Variants in WWOX observed in about 807,000 individuals in gnomAD.
WWOX encodes WW domain containing oxidoreductase, also known as WW domain-containing oxidoreductase.
In WWOX, 69 loss-of-function variants were observed where a neutral mutation model predicts 46.2. The ratio of observed to expected loss-of-function variants is 1.49; its 90% confidence interval spans 1.23 to 1.82. The LOEUF (loss-of-function observed/expected upper bound fraction) is 1.82. WWOX is among the 40% of genes most tolerant of loss of function. WWOX has a pLI of 0.00. For synonymous variants in WWOX, 359 were observed against 202.6 expected (o/e 1.77, Z -6.56); for missense variants, 919 against 542.6 (o/e 1.69, Z -6.89).
At chr16:78,955,273 C>T (rs1300176171) in intron 8 of WWOX, among the ~76,000 whole-genome samples, 2 of 152,096 alleles carry the variant, frequency 1.3e-5, no homozygotes, top group East Asian at 1.9e-4. Flanking sequence ...CTCCACATGT[C>T]CCTCATGCCC....
chr16:78,641,664 C>T (rs989236882), intron 8 of WWOX, among the ~76,000 whole-genome samples: 8 of 152,172 alleles, frequency 5.3e-5, no homozygotes, highest in South Asian at 2.1e-4. Context: ...GGTAGTTAAA[C>T]GGCCCCGCAG....
At chr16:78,254,604 C>T (rs1028717248) in intron 5 of WWOX, among the ~76,000 whole-genome samples, 1 of 150,284 alleles carries the variant, frequency 6.7e-6, no homozygotes, top group African/African-American at 2.5e-5. Context: ...CTCCCAGGCT[C>T]AAGTGATCCT....
chr16:78,922,020 G>C (rs1295456314), intron 8 of WWOX, among the ~76,000 whole-genome samples: 2 of 152,200 alleles, frequency 1.3e-5, no homozygotes, highest in African/African-American at 4.8e-5. Context: ...CATGACATCA[G>C]GACAGAATAC....
intron 8 of WWOX, among the ~76,000 whole-genome samples, chr16:78,619,823 C>G (rs771316966): frequency 1.3e-5 from 2 of 152,046 alleles, no homozygotes; most frequent in Non-Finnish European, 2.9e-5. Context: ...GCAGGAGAAT[C>G]ACTTGAGCAA....
At position 78,996,383 on chromosome 16, in the gene WWOX, C is replaced by CCCA. The variant is rs1555508907; in HGVS notation, c.1057-215223_1057-215222insACC. 4.6e-5 allele frequency: 34 copies of CCCA among 735,774 alleles called. 3 individuals are homozygous for CCCA. The African/African-American group carries it at 8.3e-4, about 18-fold the overall frequency. 45.6% of individuals were successfully genotyped at this position (735,774 alleles called of 1,614,324 possible). A position where few individuals can be genotyped will look rare whatever the true frequency, so the allele number is the denominator to read the frequency against. On this transcript the variant is annotated intron_variant, in intron 8 of 8. Coordinates refer to ENST00000566780, the MANE Select transcript of WWOX (RefSeq NM_016373.4). ...TGAGTGAATTCTGCACCCACCCCCG[C>CCCA]CCCCCAGCTTCCCCACCTGTAAAAT...
chr16:78,808,120 C>T (rs2051091113), intron 8 of WWOX, among the ~76,000 whole-genome samples: 1 of 152,206 alleles, frequency 6.6e-6, no homozygotes, highest in South Asian at 2.1e-4. Flanking sequence ...GCAACCAGGA[C>T]TCCCTGTAGT....
rs1232507130 is a variant in WWOX at position 78,425,029 on chromosome 16, C to G, written c.765C>G (p.Val255=). The G allele has an allele frequency of 6.2e-7, 1 of 1,613,830 alleles. No individual in the cohort carries two copies. The highest frequency in any genetic ancestry group is 1.3e-5 in the African/African-American group (1 of 74,924). The change falls in exon 7 of 9, where the codon GTC becomes GTG. Residue 255 remains valine, a synonymous_variant. Coordinates refer to ENST00000566780, the MANE Select transcript of WWOX (RefSeq NM_016373.4). ...TGTGCCGCTCAGCTCCTGCCCGTGTCATTGTGGTCTCCTCAGAGTCCCATC... is the reference window on the plus strand; with the variant it reads ...TGTGCCGCTCAGCTCCTGCCCGTGTGATTGTGGTCTCCTCAGAGTCCCATC... The part of the protein sequence containing the change: ...DVLCRSAPAR[V]IVVSSESHRF...
chr16:78,700,950 C>T (rs951577422), intron 8 of WWOX, among the ~76,000 whole-genome samples: 3 of 152,080 alleles, frequency 2.0e-5, no homozygotes, highest in Admixed American at 6.5e-5. Context: ...TTATTGAGGG[C>T]TCTCAGTGGG....
intron 5 of WWOX, among the ~76,000 whole-genome samples, chr16:78,352,856 G>A (rs1014315945): frequency 2.0e-5 from 3 of 152,074 alleles, no homozygotes; most frequent in Non-Finnish European, 2.9e-5. Context: ...CTGGATTGGC[G>A]GTTGATTGAA....
chr16:79,137,506 G>A (rs764184801), intron 8 of WWOX, among the ~76,000 whole-genome samples: 3 of 152,152 alleles, frequency 2.0e-5, no homozygotes, highest in South Asian at 4.1e-4. Flanking sequence ...TCTCTCACTT[G>A]GAGTGACATG....
chr16:78,641,854 C>G (rs2046721317), intron 8 of WWOX, among the ~76,000 whole-genome samples: 1 of 152,142 alleles, frequency 6.6e-6, no homozygotes, highest in African/African-American at 2.4e-5. Flanking sequence ...CAGTTCAATA[C>G]TTAAATTAAC....
intron 5 of WWOX, among the ~76,000 whole-genome samples, chr16:78,267,756 CT>C (rs1422106314): frequency 1.3e-5 from 2 of 151,770 alleles, no homozygotes; most frequent in Non-Finnish European, 2.9e-5. Flanking sequence ...TCTGTTCCAC[CT>C]GATTGATTGA....
At chr16:79,165,392 T>C (rs1266440045) in intron 8 of WWOX, among the ~76,000 whole-genome samples, 1 of 152,174 alleles carries the variant, frequency 6.6e-6, no homozygotes, top group Non-Finnish European at 1.5e-5. Context: ...CATGGAATCC[T>C]TTCTTATGAT....
intron 8 of WWOX, among the ~76,000 whole-genome samples, chr16:78,699,474 G>C (rs953573859): frequency 6.6e-6 from 1 of 152,176 alleles, no homozygotes; most frequent in African/African-American, 2.4e-5. Flanking sequence ...AGGAGGCAGA[G>C]GTTGCAGTGA....
chr16:78,790,205 C>G (rs571061721), intron 8 of WWOX, among the ~76,000 whole-genome samples: 2 of 152,106 alleles, frequency 1.3e-5, no homozygotes, highest in African/African-American at 4.8e-5. Flanking sequence ...GGTGCGATCT[C>G]AGCTCACTGC....
chr16:78,605,404 A>G (rs1210452080), intron 8 of WWOX, among the ~76,000 whole-genome samples: 2 of 151,584 alleles, frequency 1.3e-5, no homozygotes, highest in African/African-American at 2.4e-5. Flanking sequence ...GACAGGGCTC[A>G]TGTCAAGGGA....
chr16:79,017,459 AAAAGAAAG>A (rs1567488385), intron 8 of WWOX: 1 of 146,886 alleles, frequency 6.8e-6, no homozygotes, highest in Non-Finnish European at 1.5e-5. Context: ...AAAAAAAAAA[AAAAGAAAG>A]AAAGAAATTA....
intron 5 of WWOX, among the ~76,000 whole-genome samples, chr16:78,384,757 C>G (rs974727937): frequency 6.6e-6 from 1 of 152,202 alleles, no homozygotes. Context: ...GAATTTAAAT[C>G]TGTGTTTGCC....
chr16:79,137,625 T>C (rs1391667741), intron 8 of WWOX, among the ~76,000 whole-genome samples: 1 of 152,134 alleles, frequency 6.6e-6, no homozygotes, highest in Admixed American at 6.5e-5. Context: ...CCTGCCATCA[T>C]GGAAAAAAAG....
Sources: allele counts gnomAD v4.1 joint callset (sites outside exome capture counted in the v4.1 genomes callset), GRCh38; gene constraint gnomAD v4.1.1; transcripts MANE v1.5; gene names NCBI Gene and HGNC (gene_info 2026-07-23, HGNC 2026-07-21).